The following FTCDNL1 variants were observed in gnomAD, a reference collection of about 807,000 sequenced individuals.
FTCDNL1 encodes the protein formiminotransferase N-terminal subdomain-containing protein.
A neutral mutation model predicts 5.9 loss-of-function variants in FTCDNL1; 11 were observed. The ratio of observed to expected loss-of-function variants is 1.87; its 90% CI spans 1.18 to 3.10. The LOEUF is 3.10. Among genes scored for constraint, FTCDNL1 ranks in the 30% most tolerant of loss-of-function variants. The probability of loss-of-function intolerance (pLI) is 0.00; values close to 1 mark genes in which losing one functional copy is unlikely to be tolerated. For synonymous variants in FTCDNL1, 58 were observed against 24.8 expected (o/e 2.34, Z -3.99); for missense variants, 115 against 65.5 (o/e 1.76, Z -2.61).
At chr2:199,742,569 T>G in the FTCDNL1 span, among the ~76,000 whole-genome samples, 2 of 152,228 alleles carry the variant, frequency 1.3e-5, no homozygotes, top group Admixed American at 6.5e-5. Flanking sequence ...AGTTATTGTG[T>G]GTTAACTATG....
chr2:199,710,279 A>C, the FTCDNL1 span, among the ~76,000 whole-genome samples: 503 of 152,330 alleles, frequency 3.3e-3, 2 homozygotes, highest in African/African-American at 0.011. Flanking sequence ...AGAACAAGAA[A>C]GCTAGGAAAC....
chr2:199,713,236 C>T, the FTCDNL1 span, among the ~76,000 whole-genome samples: 1 of 152,256 alleles, frequency 6.6e-6, no homozygotes. Context: ...ACTGTCACCA[C>T]TAGTCAAGAT....
the FTCDNL1 span, among the ~76,000 whole-genome samples, chr2:199,746,006 G>A: frequency 1.3e-5 from 2 of 152,132 alleles, no homozygotes; most frequent in African/African-American, 4.8e-5. Context: ...CCACAACATG[G>A]ATCAGATTTT....
At chr2:199,716,731 C>T in the FTCDNL1 span, among the ~76,000 whole-genome samples, 1 of 152,148 alleles carries the variant, frequency 6.6e-6, no homozygotes, top group Non-Finnish European at 1.5e-5. Flanking sequence ...CTTACGGTTA[C>T]AGCCTTAATA....
Position 199,812,478 on chromosome 2 carries a change from TGAGA to T in FTCDNL1, c.*223_*226del. Reference sequence around the variant, plus strand: ...AAACCTACTAAGAAGGTATTTTAAATGAGAGAGATAATTAATCCCAGCAAATCGT... The same window carrying T: ...AAACCTACTAAGAAGGTATTTTAAATGAGATAATTAATCCCAGCAAATCGT... On this transcript the variant is annotated 3_prime_UTR_variant, in exon 5 of 5. Coordinates refer to ENST00000420128, the MANE Select transcript of FTCDNL1 (RefSeq NM_001363886.2). 2 of 443,116 alleles carry T rather than the reference TGAGA, an allele frequency of 4.5e-6. No homozygotes were observed. The highest frequency in any genetic ancestry group is 7.9e-6 in the Non-Finnish European group (2 of 252,300). The allele number at this position is 443,116 out of a possible 1,614,324, so 27.4% of individuals were successfully genotyped here. A position where few individuals can be genotyped will look rare whatever the true frequency, so the allele number is the denominator to read the frequency against.
chr2:199,722,973 G>A, the FTCDNL1 span, among the ~76,000 whole-genome samples: 2 of 151,410 alleles, frequency 1.3e-5, no homozygotes, highest in Non-Finnish European at 2.9e-5. Context: ...TTCAATTTTA[G>A]TTCTGGGGTG....
the FTCDNL1 span, among the ~76,000 whole-genome samples, chr2:199,735,296 G>A: frequency 8.5e-5 from 13 of 152,232 alleles, no homozygotes; most frequent in East Asian, 2.5e-3. Flanking sequence ...TGTTGGAGAA[G>A]GAAGAAGAAA....
chr2:199,711,276 T>A, the FTCDNL1 span, among the ~76,000 whole-genome samples: 5 of 148,644 alleles, frequency 3.4e-5, no homozygotes, highest in Non-Finnish European at 7.4e-5. Context: ...AACTTACAAC[T>A]CTTTGCTAAA....
chr2:199,743,391 T>C, the FTCDNL1 span, among the ~76,000 whole-genome samples: 113 of 152,370 alleles, frequency 7.4e-4, 3 homozygotes, highest in East Asian at 0.02. Context: ...TTCTCTTGTA[T>C]TCTTTTCTTG....
the FTCDNL1 span, among the ~76,000 whole-genome samples, chr2:199,743,106 T>C: frequency 6.6e-6 from 1 of 152,160 alleles, no homozygotes; most frequent in African/African-American, 2.4e-5. Context: ...GTGGCAGCTG[T>C]TTTAACAGCA....
At chr2:199,804,467 G>A (rs1700621592), downstream of FTCDNL1, among the ~76,000 whole-genome samples, 1 of 152,136 alleles carries the variant, frequency 6.6e-6, no homozygotes, top group Non-Finnish European at 1.5e-5. Context: ...TTTAAATGAT[G>A]GAATATGCTA....
intron 3 of FTCDNL1, among the ~76,000 whole-genome samples, chr2:199,771,955 T>C (rs1698833682): frequency 6.6e-6 from 1 of 152,252 alleles, no homozygotes. Context: ...GTTTAATTTA[T>C]AAATTAGATA....
At chr2:199,816,695 C>G (rs1338068084) in intron 4 of FTCDNL1, among the ~76,000 whole-genome samples, 1 of 152,204 alleles carries the variant, frequency 6.6e-6, no homozygotes, top group Non-Finnish European at 1.5e-5. Flanking sequence ...TGGCCTCACT[C>G]CTTCAAGTCT....
intron 3 of FTCDNL1, among the ~76,000 whole-genome samples, chr2:199,775,467 G>A (rs1699012668): frequency 6.6e-6 from 1 of 152,150 alleles, no homozygotes; most frequent in African/African-American, 2.4e-5. Context: ...CTTGAGGGAA[G>A]CAACTCCGTT....
intron 3 of FTCDNL1, among the ~76,000 whole-genome samples, chr2:199,830,067 A>G (rs1000286057): frequency 6.6e-6 from 1 of 152,180 alleles, no homozygotes; most frequent in African/African-American, 2.4e-5. Context: ...TCAAAATCTA[A>G]AAATTAAACT....
the FTCDNL1 span, among the ~76,000 whole-genome samples, chr2:199,708,237 A>C: frequency 6.6e-6 from 1 of 151,956 alleles, no homozygotes; most frequent in East Asian, 1.9e-4. Context: ...TTTTCATTTC[A>C]GATATTGTGA....
chr2:199,752,772 GTGTGTGTGTA>G, the FTCDNL1 span, among the ~76,000 whole-genome samples: 14,399 of 121,750 alleles, frequency 0.12, 804 homozygotes, highest in Non-Finnish European at 0.16. Flanking sequence ...GTGTGTGTGT[GTGTGTGTGTA>G]TGTGTGTGTG....
In FTCDNL1 at chr2:199,837,188, C is replaced by T. The variant is rs187811854; in HGVS notation, c.211+8887G>A. Among the ~76,000 whole-genome samples the T allele has an allele frequency of 1.4e-4, 21 of 152,242 alleles. No homozygotes were observed. The East Asian group carries it at 2.9e-3, about 21-fold the overall frequency. ...TGGCAATATGCATTTATGAGCAACC[C>T]GGTAACTCTCCTTCATAGTTAAAAT... On this transcript the variant is annotated intron_variant, in intron 3 of 4. Transcript: ENST00000420128.
chr2:199,846,017 C>T (rs1026794492), intron 3 of FTCDNL1, 58 bp downstream of exon 3: 17 of 626,626 alleles, frequency 2.7e-5, no homozygotes, highest in Non-Finnish European at 4.6e-5. Flanking sequence ...AGAGAATGTT[C>T]AGGTCTACCT....
Sources: gnomAD v4.1 joint callset for allele counts (sites outside exome capture counted in the v4.1 genomes callset) on GRCh38, gnomAD v4.1.1 for gene constraint, MANE v1.5 for transcripts, NCBI Gene and HGNC (gene_info 2026-07-23, HGNC 2026-07-21) for gene names.